Variants in PFKFB3 observed in about 807,000 individuals in gnomAD.
PFKFB3 encodes the protein 6-phosphofructo-2-kinase/fructose-2,6-biphosphatase 3.
A neutral mutation model predicts 68.0 loss-of-function variants in PFKFB3; 33 were observed. The observed-to-expected ratio is 0.49, with a 90% CI of 0.37 to 0.65. The LOEUF (loss-of-function observed/expected upper bound fraction) is 0.65, where lower values mean the gene tolerates loss of function less well. Among genes scored for constraint, PFKFB3 ranks in the 30% least tolerant of loss-of-function variants. The pLI, the probability that PFKFB3 is intolerant of heterozygous loss-of-function variation, is 0.00. For synonymous variants in PFKFB3, 315 were observed against 288.2 expected (o/e 1.09, Z -0.94); for missense variants, 586 against 712.2 (o/e 0.82, Z 2.02).
In PFKFB3 at chr10:6,249,082, G is replaced by C. The variant is rs538572206; in HGVS notation, c.1516-5096G>C. Among the ~76,000 whole-genome samples, 3 of 151,408 alleles carry C rather than the reference G, an allele frequency of 2.0e-5. No homozygotes were observed. In the East Asian group the frequency reaches 5.8e-4, roughly 29 times the overall value. ...CTAGCTACTCAGGAGGCTGAGGCAG[G>C]AGAATCGCTTGAACCCAGAAGGTGG... is the stretch of plus-strand genomic sequence containing the variant. On this transcript the variant is annotated intron_variant, in intron 14 of 14. Coordinates refer to the PFKFB3 transcript ENST00000640683.
intron 14 of PFKFB3, among the ~76,000 whole-genome samples, chr10:6,227,553 G>A (rs1242027612): frequency 6.6e-6 from 1 of 152,212 alleles, no homozygotes; most frequent in Non-Finnish European, 1.5e-5. Context: ...GGGGAATAAT[G>A]GCAGTGCAGA....
the PFKFB3 span, among the ~76,000 whole-genome samples, chr10:6,285,972 G>GTTTTTTTTTT: frequency 2.2e-5 from 2 of 89,084 alleles, no homozygotes; most frequent in Non-Finnish European, 2.0e-5. Context: ...TCCTTTCACT[G>GTTTTTTTTTT]TTTTTTTTTT....
chr10:6,189,204 A>G (rs567242548), intron 1 of PFKFB3, among the ~76,000 whole-genome samples: 2 of 152,242 alleles, frequency 1.3e-5, no homozygotes, highest in South Asian at 4.1e-4. Flanking sequence ...CATGCATTCC[A>G]TCTGTCGATG....
At chr10:6,182,993 G>C (rs995541807) in intron 1 of PFKFB3, among the ~76,000 whole-genome samples, 2 of 152,130 alleles carry the variant, frequency 1.3e-5, no homozygotes, top group Admixed American at 6.5e-5. Flanking sequence ...TGCCCAGCAC[G>C]GTCCCTGGCT....
At chr10:6,273,690 T>A in the PFKFB3 span, among the ~76,000 whole-genome samples, 1 of 152,144 alleles carries the variant, frequency 6.6e-6, no homozygotes, top group African/African-American at 2.4e-5. Flanking sequence ...TAAAATGAGG[T>A]CATTAGGATG....
intron 1 of PFKFB3, among the ~76,000 whole-genome samples, chr10:6,176,818 C>T (rs942693878): frequency 4.6e-5 from 7 of 152,238 alleles, no homozygotes; most frequent in African/African-American, 1.7e-4. Context: ...TTCTGGAAGA[C>T]TAATGGCTTG....
intron 1 of PFKFB3, among the ~76,000 whole-genome samples, chr10:6,173,884 C>T (rs903023642): frequency 6.6e-6 from 1 of 152,060 alleles, no homozygotes; most frequent in African/African-American, 2.4e-5. Flanking sequence ...GAAGATGAGT[C>T]CCTGTCAGCG....
chr10:6,259,542 T>TCATC (rs201570223), downstream of PFKFB3, among the ~76,000 whole-genome samples: 584 of 138,082 alleles, frequency 4.2e-3, 10 homozygotes, highest in African/African-American at 0.015. Context: ...ATCCATCTGC[T>TCATC]CATCCATCCA....
At chr10:6,166,202 G>A (rs895388815) in intron 1 of PFKFB3, among the ~76,000 whole-genome samples, 18 of 152,100 alleles carry the variant, frequency 1.2e-4, no homozygotes, top group Non-Finnish European at 2.5e-4. Context: ...GGCTGGCCTC[G>A]AACACCTGAG....
the PFKFB3 span, among the ~76,000 whole-genome samples, chr10:6,269,625 G>A: frequency 1.3e-5 from 2 of 152,212 alleles, no homozygotes; most frequent in Non-Finnish European, 2.9e-5. Context: ...GTGACTTAGG[G>A]TGGAGAAATG....
intron 13 of PFKFB3, chr10:6,224,554 C>T: frequency 2.1e-6 from 1 of 467,900 alleles, no homozygotes. Context: ...AGTCACGGCT[C>T]ACTGCAGCCT....
chr10:6,171,366 T>A (rs1417405820), intron 1 of PFKFB3, among the ~76,000 whole-genome samples: 1 of 152,118 alleles, frequency 6.6e-6, no homozygotes, highest in Non-Finnish European at 1.5e-5. Flanking sequence ...TTCTTCTCTA[T>A]TTTTAACTCA....
intron 1 of PFKFB3, chr10:6,197,464 C>T (rs1020092614): frequency 2.0e-5 from 3 of 152,174 alleles, no homozygotes; most frequent in African/African-American, 7.2e-5. Flanking sequence ...GATGTTTGCA[C>T]AATGACGGAA....
chr10:6,182,662 C>T (rs936256160), intron 1 of PFKFB3, among the ~76,000 whole-genome samples: 1 of 152,224 alleles, frequency 6.6e-6, no homozygotes, highest in African/African-American at 2.4e-5. Context: ...AGCCTCAGGC[C>T]CTGTTCCCCT....
chr10:6,217,201 C>A lies in PFKFB3; in HGVS notation c.498+10C>A, dbSNP rs1844642149. The A allele has an allele frequency of 6.2e-7, 1 of 1,612,162 alleles. No individual in the cohort carries two copies. The highest frequency in any genetic ancestry group is 1.3e-5 in the African/African-American group (1 of 74,910). ...GGCCTCCAATATCATGGTAAGACAGCCGGGAGCCCCGTGCTTCTGCGGCAG... is the reference window on the plus strand; with the variant it reads ...GGCCTCCAATATCATGGTAAGACAGACGGGAGCCCCGTGCTTCTGCGGCAG... On this transcript the variant is annotated intron_variant, in intron 6 of 14. Transcript: ENST00000379775.
At position 6,213,754 on chromosome 10, in the gene PFKFB3, A is replaced by T; in HGVS notation, c.202+6A>T. ...GATTGGCGTCCCCACAAAAGGTGAG[A>T]CTGGGTCTCGAGGCCGGACCCCTGC... is the stretch of plus-strand genomic sequence containing the variant. On this transcript the variant is annotated splice_donor_region_variant and intron_variant, in intron 2 of 14. Coordinates refer to ENST00000379775, the MANE Select transcript of PFKFB3 (RefSeq NM_004566.4). 1 of 1,611,066 alleles carries T rather than the reference A, an allele frequency of 6.2e-7. No individual in the cohort carries two copies. Among genetic ancestry groups the T allele is most frequent in the Non-Finnish European group, 8.5e-7 (1 of 1,178,744 alleles).
chr10:6,167,865 C>T (rs1842188410), intron 1 of PFKFB3, among the ~76,000 whole-genome samples: 2 of 152,204 alleles, frequency 1.3e-5, no homozygotes, highest in African/African-American at 4.8e-5. Flanking sequence ...ATAGCCAGCC[C>T]AGCCCTAAGC....
chr10:6,152,774 G>A (rs895969783), intron 1 of PFKFB3, among the ~76,000 whole-genome samples: 3 of 152,280 alleles, frequency 2.0e-5, no homozygotes, highest in Admixed American at 6.5e-5. Context: ...CCAGCTACTT[G>A]GGAGGCTGAG....
At chr10:6,190,860 C>A (rs1310920307) in intron 1 of PFKFB3, among the ~76,000 whole-genome samples, 5 of 152,150 alleles carry the variant, frequency 3.3e-5, no homozygotes, top group African/African-American at 1.2e-4. Context: ...CTCAGTGCAA[C>A]CTCCGCCTCC....
Sources: allele counts gnomAD v4.1 joint callset (sites outside exome capture counted in the v4.1 genomes callset), GRCh38; gene constraint gnomAD v4.1.1; transcripts MANE v1.5; gene names NCBI Gene and HGNC (gene_info 2026-07-23, HGNC 2026-07-21).